The following GNA14 variants were observed in gnomAD, a reference collection of about 807,000 sequenced individuals.
GNA14 encodes the protein guanine nucleotide-binding protein subunit alpha-14.
In GNA14, 50 loss-of-function variants were observed where a neutral mutation model predicts 42.0. That is an observed-to-expected ratio of 1.19 (90% CI 0.95 to 1.51). The LOEUF is 1.51. Ranked by LOEUF, GNA14 falls within the 40% of genes most tolerant of loss-of-function variation. The probability of loss-of-function intolerance (pLI) is 0.00; values close to 1 mark genes in which losing one functional copy is unlikely to be tolerated. For synonymous variants in GNA14, 173 were observed against 163.1 expected, an observed-to-expected ratio of 1.06 and a Z score of -0.46; for missense variants, 473 against 446.2, an observed-to-expected ratio of 1.06 and a Z score of -0.54.
At chr9:77,431,036 G>C in intron 4 of GNA14, among the ~76,000 whole-genome samples, 1 of 147,626 alleles carries the variant, frequency 6.8e-6, no homozygotes, top group Non-Finnish European at 1.5e-5. Flanking sequence ...GTGTGTGTGT[G>C]TGTGTGTGTG....
chr9:77,466,076 T>C lies in GNA14; in HGVS notation c.310-31554A>G, dbSNP rs76169734. Among the ~76,000 whole-genome samples the C allele has an allele frequency of 1.0e-2, 1,521 of 152,350 alleles. 28 individuals carry two copies. Among genetic ancestry groups the C allele is most frequent in the African/African-American group, 0.034 (1,424 of 41,574 alleles). Reference sequence around the variant, plus strand: ...CTTTCAACAGTTCGACTATAATGTGTCTGGGTGAATGCATATGGCTTTCTT... The same window carrying C: ...CTTTCAACAGTTCGACTATAATGTGCCTGGGTGAATGCATATGGCTTTCTT... On this transcript the variant is annotated intron_variant, in intron 2 of 6. Coordinates refer to ENST00000341700, the MANE Select transcript of GNA14 (RefSeq NM_004297.4).
At chr9:77,448,525 A>G (rs2131702015) in intron 2 of GNA14, among the ~76,000 whole-genome samples, 2 of 152,374 alleles carry the variant, frequency 1.3e-5, no homozygotes, top group Middle Eastern at 6.8e-3. Flanking sequence ...TAGGTAAATT[A>G]GATGCATTTT....
At chr9:77,583,673 C>A (rs1479339329) in intron 1 of GNA14, among the ~76,000 whole-genome samples, 1 of 152,148 alleles carries the variant, frequency 6.6e-6, no homozygotes, top group Non-Finnish European at 1.5e-5. Flanking sequence ...AGCCCTCTAA[C>A]CGACTCCCCC....
chr9:77,514,246 G>A (rs1407000197), intron 2 of GNA14, among the ~76,000 whole-genome samples: 1 of 152,148 alleles, frequency 6.6e-6, no homozygotes, highest in Non-Finnish European at 1.5e-5. Context: ...CGATATCACA[G>A]TCCCATAGTC....
chr9:77,550,821 A>C (rs1415132757), intron 1 of GNA14, among the ~76,000 whole-genome samples: 2 of 152,196 alleles, frequency 1.3e-5, no homozygotes, highest in Admixed American at 1.3e-4. Context: ...AATTATTCAC[A>C]GGGTAAAGTG....
chr9:77,433,665 A>G (rs947594143), intron 3 of GNA14, among the ~76,000 whole-genome samples: 5 of 152,208 alleles, frequency 3.3e-5, no homozygotes, highest in Non-Finnish European at 7.3e-5. Flanking sequence ...TGCCCAAGAA[A>G]GTGAAAATCT....
intron 2 of GNA14, among the ~76,000 whole-genome samples, chr9:77,458,822 G>A (rs1836053071): frequency 6.6e-6 from 1 of 150,588 alleles, no homozygotes; most frequent in Admixed American, 6.6e-5. Context: ...ATTTATTCCT[G>A]AACAGTATCT....
At chr9:77,572,738 C>T (rs368923214) in intron 1 of GNA14, among the ~76,000 whole-genome samples, 7 of 152,248 alleles carry the variant, frequency 4.6e-5, no homozygotes, top group African/African-American at 4.8e-5. Context: ...GAAAATCTTG[C>T]AAAAACTTGG....
At chr9:77,518,571 A>G (rs140797998) in intron 2 of GNA14, among the ~76,000 whole-genome samples, 29 of 152,294 alleles carry the variant, frequency 1.9e-4, no homozygotes, top group African/African-American at 5.8e-4. Flanking sequence ...CTTCAGGATA[A>G]AAGGAAGGCA....
At chr9:77,639,414 A>T (rs1824224535) in intron 1 of GNA14, among the ~76,000 whole-genome samples, 1 of 152,224 alleles carries the variant, frequency 6.6e-6, no homozygotes, top group African/African-American at 2.4e-5. Flanking sequence ...ACATTCCAGG[A>T]TGCACACAGC....
chr9:77,589,332 C>T (rs962382899), intron 1 of GNA14, among the ~76,000 whole-genome samples: 5 of 152,186 alleles, frequency 3.3e-5, no homozygotes, highest in Non-Finnish European at 5.9e-5. Context: ...TCAGTGTTAC[C>T]AATTCCTTTG....
chr9:77,551,300 C>T (rs563910678), intron 1 of GNA14, among the ~76,000 whole-genome samples: 2 of 152,190 alleles, frequency 1.3e-5, no homozygotes, highest in Non-Finnish European at 2.9e-5. Flanking sequence ...TCAATTTCTA[C>T]TCATCTACTA....
chr9:77,595,278 G>C (rs1364470886), intron 1 of GNA14, among the ~76,000 whole-genome samples: 2 of 152,176 alleles, frequency 1.3e-5, no homozygotes, highest in Non-Finnish European at 2.9e-5. Context: ...AGGAATTGAG[G>C]AGACTAGGTG....
chr9:77,452,570 GTA>G (rs1491259949), intron 2 of GNA14, among the ~76,000 whole-genome samples: 5,730 of 107,806 alleles, frequency 0.053, 323 homozygotes, highest in East Asian at 0.15. Flanking sequence ...GTGTGTGTGT[GTA>G]TGTGCATGTG....
At chr9:77,573,440 T>A (rs980478546) in intron 1 of GNA14, among the ~76,000 whole-genome samples, 21 of 151,658 alleles carry the variant, frequency 1.4e-4, no homozygotes, top group African/African-American at 4.8e-4. Flanking sequence ...CAAAGTGACA[T>A]TCCGTCTCAA....
chr9:77,522,068 C>T, intron 2 of GNA14, among the ~76,000 whole-genome samples: 1 of 152,136 alleles, frequency 6.6e-6, no homozygotes, highest in East Asian at 1.9e-4. Context: ...AATTCCTGAC[C>T]TCAGGCGATC....
At chr9:77,587,237 T>C (rs570607022) in intron 1 of GNA14, among the ~76,000 whole-genome samples, 3 of 152,282 alleles carry the variant, frequency 2.0e-5, no homozygotes, top group Non-Finnish European at 2.9e-5. Flanking sequence ...GAAAATAGTT[T>C]GGCAGTTTCT....
intron 1 of GNA14, among the ~76,000 whole-genome samples, chr9:77,638,943 G>GA (rs1239951751): frequency 8.5e-5 from 13 of 152,136 alleles, no homozygotes; most frequent in African/African-American, 2.9e-4. Flanking sequence ...ATAAAGGCAT[G>GA]ATTTTAAAAA....
Position 77,506,742 on chromosome 9 carries a change from T to A in GNA14, c.309+22327A>T, listed in dbSNP as rs1837077456. Among the ~76,000 whole-genome samples, 4 of 152,300 alleles carry A rather than the reference T, an allele frequency of 2.6e-5. No homozygotes were observed. The South Asian group carries it at 6.2e-4, about 24-fold the overall frequency. ...TAAGTCTTTGAAATCCAGTGTGTAT[T>A]TCACACTCACAGCACATCTTGATTC... On this transcript the variant is annotated intron_variant, in intron 2 of 6. Transcript: ENST00000341700.
Sources: allele counts gnomAD v4.1 joint callset (sites outside exome capture counted in the v4.1 genomes callset), GRCh38; gene constraint gnomAD v4.1.1; transcripts MANE v1.5; gene names NCBI Gene and HGNC (gene_info 2026-07-23, HGNC 2026-07-21).